Variants in PTPRD observed in about 807,000 individuals in gnomAD.
PTPRD encodes receptor-type tyrosine-protein phosphatase delta.
In PTPRD, 34 loss-of-function variants were observed where a neutral mutation model predicts 214.5. The ratio of observed to expected loss-of-function variants is 0.16; its 90% confidence interval spans 0.12 to 0.21. PTPRD has a LOEUF of 0.21. Among genes scored for constraint, PTPRD ranks in the 10% least tolerant of loss-of-function variants. The pLI is 1.00. For synonymous variants in PTPRD, 1,128 were observed against 845.7 expected, an observed-to-expected ratio of 1.33 and a Z score of -5.79; for missense variants, 2,545 against 2,398.7, an observed-to-expected ratio of 1.06 and a Z score of -1.27.
intron 3 of PTPRD, among the ~76,000 whole-genome samples, chr9:10,251,588 A>G (rs756022902): frequency 6.6e-6 from 1 of 152,196 alleles, no homozygotes; most frequent in Non-Finnish European, 1.5e-5. Flanking sequence ...GAATGACAGT[A>G]CCTGTATAAT....
intron 9 of PTPRD, among the ~76,000 whole-genome samples, chr9:9,259,654 G>A (rs2099979231): frequency 6.6e-6 from 1 of 151,922 alleles, no homozygotes. Context: ...CACCTTTCAG[G>A]AAACTTAGTG....
intron 11 of PTPRD, among the ~76,000 whole-genome samples, chr9:8,859,593 A>G (rs1452202347): frequency 6.6e-6 from 1 of 152,178 alleles, no homozygotes. Context: ...TTGAAAGAGC[A>G]AAGGTAAACA....
chr9:8,510,830 T>C (rs985093366), intron 21 of PTPRD, among the ~76,000 whole-genome samples: 1 of 152,140 alleles, frequency 6.6e-6, no homozygotes, highest in Non-Finnish European at 1.5e-5. Flanking sequence ...AAAATGAATG[T>C]ATTTTTAAAT....
At chr9:10,229,059 T>G (rs2099599014) in intron 3 of PTPRD, among the ~76,000 whole-genome samples, 1 of 151,944 alleles carries the variant, frequency 6.6e-6, no homozygotes, top group South Asian at 2.1e-4. Flanking sequence ...AAGCAATGAC[T>G]GTGATATAAG....
At chr9:9,749,034 TC>T (rs2098486595) in intron 6 of PTPRD, among the ~76,000 whole-genome samples, 3 of 40,982 alleles carry the variant, frequency 7.3e-5, no homozygotes, top group Non-Finnish European at 1.4e-4. Context: ...TAATCTCCCT[TC>T]TTCTTCTTTC....
chr9:8,643,734 C>A (rs1044006011), intron 12 of PTPRD, among the ~76,000 whole-genome samples: 3 of 152,230 alleles, frequency 2.0e-5, no homozygotes, highest in African/African-American at 7.2e-5. Flanking sequence ...CCCCTTGCTG[C>A]CTCAGCACCC....
intron 14 of PTPRD, among the ~76,000 whole-genome samples, chr9:8,595,747 ATCAGAAGGTGCTCTTGTTT>A (rs1208482631): frequency 1.3e-5 from 2 of 152,246 alleles, no homozygotes; most frequent in African/African-American, 4.8e-5. Context: ...ATAATAATGA[ATCAGAAGGTGCTCTTGTTT>A]TCACTGAGCT....
At chr9:9,450,401 C>G (rs1035819640) in intron 8 of PTPRD, among the ~76,000 whole-genome samples, 5 of 151,780 alleles carry the variant, frequency 3.3e-5, no homozygotes, top group Non-Finnish European at 7.4e-5. Context: ...AAAGTGTTCC[C>G]TTTTCACCAC....
At chr9:10,512,117 G>T (rs12379948) in intron 2 of PTPRD, among the ~76,000 whole-genome samples, 36,683 of 148,024 alleles carry the variant, frequency 0.25, 5,001 homozygotes, top group Middle Eastern at 0.31. Context: ...CCATTCAAGA[G>T]GTTGCCAGAT....
At chr9:9,064,633 G>C (rs372050882) in intron 10 of PTPRD, among the ~76,000 whole-genome samples, 1 of 152,128 alleles carries the variant, frequency 6.6e-6, no homozygotes, top group African/African-American at 2.4e-5. Context: ...CATTTCCATC[G>C]CTTTCTTTAA....
In PTPRD at chr9:8,832,207, G is replaced by A. The variant is rs377142090; in HGVS notation, c.-103-98261C>T. Among the ~76,000 whole-genome samples the A allele has an allele frequency of 1.8e-4, 27 of 151,398 alleles. No homozygotes were observed. The East Asian group carries it at 2.5e-3, about 14-fold the overall frequency. Reference sequence around the variant, plus strand: ...TATTTAAGAATCCTGCAATAAAAACGTTATGCCAAATGGTGTGCATTGATC... The same window carrying A: ...TATTTAAGAATCCTGCAATAAAAACATTATGCCAAATGGTGTGCATTGATC... On this transcript the variant is annotated intron_variant, in intron 11 of 45. Coordinates refer to ENST00000381196, the MANE Select transcript of PTPRD (RefSeq NM_002839.4).
chr9:8,876,886 C>T (rs2098396935), intron 11 of PTPRD, among the ~76,000 whole-genome samples: 1 of 151,886 alleles, frequency 6.6e-6, no homozygotes, highest in Non-Finnish European at 1.5e-5. Flanking sequence ...AAAATGTATC[C>T]TCCTTGGCCC....
intron 2 of PTPRD, among the ~76,000 whole-genome samples, chr9:10,349,427 T>C (rs1267419969): frequency 1.3e-5 from 2 of 152,184 alleles, no homozygotes; most frequent in African/African-American, 4.8e-5. Flanking sequence ...CAGTTAACAT[T>C]GTGGCCTATG....
At chr9:8,980,976 T>G (rs1043704715) in intron 11 of PTPRD, among the ~76,000 whole-genome samples, 1 of 152,074 alleles carries the variant, frequency 6.6e-6, no homozygotes, top group African/African-American at 2.4e-5. Context: ...AGCCTCAGCA[T>G]TATGAGTATG....
intron 35 of PTPRD, among the ~76,000 whole-genome samples, chr9:8,420,719 T>C (rs898799646): frequency 6.6e-6 from 1 of 152,050 alleles, no homozygotes; most frequent in Non-Finnish European, 1.5e-5. Flanking sequence ...ATGAAATTTA[T>C]AGGCAGATTT....
chr9:10,230,892 G>A lies in PTPRD; in HGVS notation c.-545+110071C>T, dbSNP rs150055532. ...AGAGTGCTTCTAGCGTTTAAAGTTTGTTTTACATATTTATGCTAATAACTC... is the reference window on the plus strand; with the variant it reads ...AGAGTGCTTCTAGCGTTTAAAGTTTATTTTACATATTTATGCTAATAACTC... On this transcript the variant is annotated intron_variant, in intron 3 of 45. Transcript: ENST00000381196. Among the ~76,000 whole-genome samples the A allele has an allele frequency of 2.6e-5, 4 of 152,066 alleles. No individual in the cohort carries two copies. The East Asian group carries it at 7.8e-4, about 30-fold the overall frequency.
chr9:8,369,846 A>G (rs1333422941), intron 39 of PTPRD, among the ~76,000 whole-genome samples: 1 of 151,990 alleles, frequency 6.6e-6, no homozygotes, highest in Non-Finnish European at 1.5e-5. Flanking sequence ...TCAAGGTTTT[A>G]TAACTGATTC....
At chr9:9,920,339 C>A (rs2082211247) in intron 5 of PTPRD, among the ~76,000 whole-genome samples, 1 of 152,092 alleles carries the variant, frequency 6.6e-6, no homozygotes, top group African/African-American at 2.4e-5. Flanking sequence ...AAAATTACTG[C>A]TAAAAGGTAA....
At chr9:8,456,336 G>A (rs1472843031) in intron 33 of PTPRD, among the ~76,000 whole-genome samples, 2 of 152,136 alleles carry the variant, frequency 1.3e-5, no homozygotes, top group African/African-American at 4.8e-5. Context: ...AGAGAGGGGA[G>A]GAGAAGAGAG....
Sources: gnomAD v4.1 joint callset for allele counts (sites outside exome capture counted in the v4.1 genomes callset) on GRCh38, gnomAD v4.1.1 for gene constraint, MANE v1.5 for transcripts, NCBI Gene and HGNC (gene_info 2026-07-23, HGNC 2026-07-21) for gene names.